Variants in THSD7B observed in about 807,000 individuals in gnomAD.
THSD7B encodes thrombospondin type-1 domain-containing protein 7B.
Under a neutral mutation model 213.6 loss-of-function variants are expected in THSD7B, and 138 were observed. The observed-to-expected ratio is 0.65, with a 90% confidence interval of 0.56 to 0.74. THSD7B has a LOEUF of 0.74. THSD7B is among the 30% of genes least tolerant of loss of function. The pLI is 0.00. For missense variants in THSD7B, 1,931 were observed against 1,991.5 expected, an observed-to-expected ratio of 0.97 and a Z score of 0.58; for synonymous variants, 742 against 687.0, an observed-to-expected ratio of 1.08 and a Z score of -1.25.
chr2:137,047,547 TA>T (rs1558899124), intron 2 of THSD7B, among the ~76,000 whole-genome samples: 1 of 151,974 alleles, frequency 6.6e-6, no homozygotes, highest in African/African-American at 2.4e-5. Flanking sequence ...GAAGAGGAGC[TA>T]AAAAAAGGAA....
intron 12 of THSD7B, among the ~76,000 whole-genome samples, chr2:137,347,722 A>G (rs1323001109): frequency 6.6e-6 from 1 of 151,364 alleles, no homozygotes; most frequent in African/African-American, 2.4e-5. Context: ...CTTGGACTCT[A>G]TGATTGAGTT....
intron 2 of THSD7B, among the ~76,000 whole-genome samples, chr2:137,010,155 T>A (rs1424789336): frequency 6.6e-6 from 1 of 152,180 alleles, no homozygotes; most frequent in Non-Finnish European, 1.5e-5. Flanking sequence ...TGATTTTGAT[T>A]TGAGGACATG....
chr2:137,638,785 T>C (rs559569506), intron 20 of THSD7B, among the ~76,000 whole-genome samples: 33 of 152,314 alleles, frequency 2.2e-4, no homozygotes, highest in African/African-American at 7.0e-4. Flanking sequence ...ACTCTTGTTA[T>C]GTTTTAGCAA....
At chr2:137,015,129 C>T (rs1005609652) in intron 2 of THSD7B, among the ~76,000 whole-genome samples, 4 of 152,128 alleles carry the variant, frequency 2.6e-5, no homozygotes, top group African/African-American at 9.7e-5. Context: ...TATAGACTCC[C>T]AGGGGGCAAC....
chr2:137,032,849 T>A (rs1686700409), intron 2 of THSD7B, among the ~76,000 whole-genome samples: 1 of 152,228 alleles, frequency 6.6e-6, no homozygotes, highest in Non-Finnish European at 1.5e-5. Flanking sequence ...CTGGTTTTCA[T>A]GTCTAGTAAA....
At chr2:137,390,571 C>T (rs113588443) in intron 12 of THSD7B, among the ~76,000 whole-genome samples, 152 of 152,220 alleles carry the variant, frequency 1.0e-3, no homozygotes, top group Middle Eastern at 6.8e-3. Flanking sequence ...AGTACTACAT[C>T]GAATAAAAGT....
chr2:137,108,471 T>C (rs1688294110), intron 4 of THSD7B, among the ~76,000 whole-genome samples: 1 of 152,182 alleles, frequency 6.6e-6, no homozygotes, highest in African/African-American at 2.4e-5. Flanking sequence ...TCCCTCAATT[T>C]AGAAAATATT....
At chr2:137,261,429 T>G (rs1386974066) in intron 10 of THSD7B, among the ~76,000 whole-genome samples, 1 of 152,204 alleles carries the variant, frequency 6.6e-6, no homozygotes, top group East Asian at 1.9e-4. Context: ...TACTTGATAT[T>G]TCATTACCTG....
chr2:136,876,691 TG>T (rs2104986395), intron 1 of THSD7B, among the ~76,000 whole-genome samples: 1 of 152,330 alleles, frequency 6.6e-6, no homozygotes, highest in East Asian at 1.9e-4. Context: ...TGTGTGTGTA[TG>T]TGCATAAAAA....
At chr2:136,905,772 T>C (rs1320855932) in intron 2 of THSD7B, among the ~76,000 whole-genome samples, 1 of 152,232 alleles carries the variant, frequency 6.6e-6, no homozygotes, top group Non-Finnish European at 1.5e-5. Flanking sequence ...TCATTATGGA[T>C]AATGTAAAAT....
At chr2:137,145,834 T>C (rs915090297) in intron 5 of THSD7B, among the ~76,000 whole-genome samples, 10 of 152,260 alleles carry the variant, frequency 6.6e-5, no homozygotes, top group African/African-American at 2.4e-4. Context: ...TCAGTGTTTA[T>C]TTGCATTTAA....
chr2:137,612,472 C>A (rs1573742982), intron 17 of THSD7B, among the ~76,000 whole-genome samples: 1 of 152,152 alleles, frequency 6.6e-6, no homozygotes, highest in South Asian at 2.1e-4. Flanking sequence ...TCACATAAGA[C>A]CTCCCATTTA....
At chr2:137,247,521 A>G (rs909752712) in intron 10 of THSD7B, among the ~76,000 whole-genome samples, 2 of 152,190 alleles carry the variant, frequency 1.3e-5, no homozygotes, top group African/African-American at 4.8e-5. Context: ...TAAAAATAGA[A>G]TATTCAACAG....
chr2:136,770,020 A>G (rs1681476514), intron 1 of THSD7B, among the ~76,000 whole-genome samples: 1 of 152,220 alleles, frequency 6.6e-6, no homozygotes. Context: ...CTTGACTTGG[A>G]AGAAACTCAT....
At chr2:137,018,545 A>G (rs1247150021) in intron 2 of THSD7B, among the ~76,000 whole-genome samples, 3 of 152,206 alleles carry the variant, frequency 2.0e-5, no homozygotes, top group Admixed American at 6.5e-5. Context: ...GCTTTCAACA[A>G]ATAAAATACA....
chr2:137,250,378 T>C (rs1051503328), intron 10 of THSD7B, among the ~76,000 whole-genome samples: 3 of 152,150 alleles, frequency 2.0e-5, no homozygotes, highest in African/African-American at 4.8e-5. Flanking sequence ...TGCCTAGAGT[T>C]AATAATAAAG....
intron 3 of THSD7B, among the ~76,000 whole-genome samples, chr2:137,092,901 G>A (rs1038527055): frequency 6.6e-6 from 1 of 152,152 alleles, no homozygotes; most frequent in Non-Finnish European, 1.5e-5. Flanking sequence ...GCCTCCCAAA[G>A]TGTTGGGATT....
At chr2:136,938,352 C>T (rs1684766797) in intron 2 of THSD7B, among the ~76,000 whole-genome samples, 1 of 152,068 alleles carries the variant, frequency 6.6e-6, no homozygotes, top group South Asian at 2.1e-4. Context: ...GACTGAGGAG[C>T]TGAAAATAAA....
intron 12 of THSD7B, among the ~76,000 whole-genome samples, chr2:137,286,561 G>A (rs1683186387): frequency 6.6e-6 from 1 of 152,142 alleles, no homozygotes; most frequent in Non-Finnish European, 1.5e-5. Context: ...TTTATTTTCT[G>A]CCGTAGCCAT....
Sources: allele counts gnomAD v4.1 joint callset (sites outside exome capture counted in the v4.1 genomes callset), GRCh38; gene constraint gnomAD v4.1.1; transcripts MANE v1.5; gene names NCBI Gene and HGNC (gene_info 2026-07-23, HGNC 2026-07-21).